SH3BP5L: variants seen among roughly 807,000 people sequenced by gnomAD.
The protein encoded by SH3BP5L is SH3 domain-binding protein 5-like.
In SH3BP5L, 16 loss-of-function variants were observed where a neutral mutation model predicts 40.9. That is an observed-to-expected ratio of 0.39 (90% confidence interval 0.27 to 0.59). SH3BP5L has a LOEUF of 0.59. Among genes scored for constraint, SH3BP5L ranks in the 20% least tolerant of loss-of-function variants. The pLI, the probability that SH3BP5L is intolerant of heterozygous loss-of-function variation, is 0.53. For missense variants in SH3BP5L, 471 were observed against 544.6 expected (o/e 0.86, Z 1.35); for synonymous variants, 229 against 226.7 (o/e 1.01, Z -0.09).
intron 2 of SH3BP5L, among the ~76,000 whole-genome samples, chr1:248,817,337 A>G (rs1418989485): frequency 6.6e-6 from 1 of 151,756 alleles, no homozygotes; most frequent in Non-Finnish European, 1.5e-5. Context: ...CACACTTATC[A>G]CCTCTCAGGA....
rs759472981 is a variant in SH3BP5L at position 248,814,514 on chromosome 1, C to T, written c.472G>A (p.Val158Ile). ...REMVFVAEQGVMADKNRLDPT... is the reference protein window; with the variant it reads ...REMVFVAEQGIMADKNRLDPT... ...TCCAGTCGGTTCTTGTCAGCCATGA[C>T]GCCCTGCTCAGCCACAAACACCATT... is the stretch of plus-strand genomic sequence containing the variant. Residue 158 changes from valine to isoleucine, a missense_variant, in exon 5 of 7, where the codon GTC (valine) becomes ATC (isoleucine). Val to Ile is a conservative substitution (Grantham distance 29). Coordinates refer to ENST00000366472, the MANE Select transcript of SH3BP5L (RefSeq NM_030645.3). 2 of 1,614,086 alleles carry T rather than the reference C, an allele frequency of 1.2e-6. No homozygotes were observed. Among genetic ancestry groups the T allele is most frequent in the African/African-American group, 1.3e-5 (1 of 74,928 alleles).
intron 2 of SH3BP5L, among the ~76,000 whole-genome samples, chr1:248,819,418 G>A (rs1046328373): frequency 6.7e-5 from 10 of 149,946 alleles, no homozygotes; most frequent in African/African-American, 2.2e-4. Context: ...AAAAAAAATC[G>A]TGGGCAGGCG....
chr1:248,812,219 C>T lies in SH3BP5L; in HGVS notation c.863G>A (p.Arg288His). The change falls in exon 7 of 7, where the codon CGC becomes CAC. Residue 288 changes from arginine to histidine, a missense_variant. Coordinates refer to ENST00000366472, the MANE Select transcript of SH3BP5L (RefSeq NM_030645.3). This position sits in a 1 kb window ranked among gnomAD's most constrained non-coding sequence, Gnocchi z 6.1. ...GLPPHPLGPR[R>H]SSPVGAEAGP... ...TGCCTCGGCCCCCACGGGGGAGGAG[C>T]GCCGAGGGCCCAGGGGGTGGGGAGG... is the stretch of plus-strand genomic sequence containing the variant. 6.2e-7 allele frequency: 1 copy of T among 1,605,660 alleles called. No homozygotes were observed. The highest frequency in any genetic ancestry group is 8.5e-7 in the Non-Finnish European group (1 of 1,177,144).
At position 248,811,589 on chromosome 1, in the gene SH3BP5L, G is replaced by A. The variant is rs1663923954; in HGVS notation, c.*311C>T. ...AAAGCCAAACAGATGGAAAGAGAGG[G>A]AGCAGAAAGGGAAAGCAAAGGGTCA... On this transcript the variant is annotated 3_prime_UTR_variant, in exon 7 of 7. Transcript: ENST00000366472. The A allele has an allele frequency of 5.2e-6, 2 of 381,066 alleles. No individual in the cohort carries two copies. Among genetic ancestry groups the A allele is most frequent in the Admixed American group, 8.5e-5 (2 of 23,638 alleles). 23.6% of individuals were successfully genotyped at this position (381,066 alleles called of 1,614,324 possible).
chr1:248,824,680 C>G (rs1664330441), intron 2 of SH3BP5L, 73 bp downstream of exon 2: 12 of 1,553,128 alleles, frequency 7.7e-6, no homozygotes, highest in Non-Finnish European at 1.0e-5. Flanking sequence ...AGTCTAAGCC[C>G]TCATTCATCC....
chr1:248,823,504 T>C (rs557248654), intron 2 of SH3BP5L, among the ~76,000 whole-genome samples: 2 of 152,328 alleles, frequency 1.3e-5, no homozygotes, highest in African/African-American at 4.8e-5. Flanking sequence ...CCTCAGAGGA[T>C]GATAAATCTG....
chr1:248,817,077 C>T (rs1231846521), intron 2 of SH3BP5L, 193 bp from the exon 3 acceptor site: 1 of 1,524,986 alleles, frequency 6.6e-7, no homozygotes, highest in South Asian at 1.2e-5. Flanking sequence ...TACATACAAT[C>T]TCACGTAATC....
In SH3BP5L at chr1:248,825,308, C is replaced by T. The variant is rs1304431214; in HGVS notation, c.-373G>A. On this transcript the variant is annotated 5_prime_UTR_variant, in exon 2 of 7. Coordinates refer to ENST00000366472, the MANE Select transcript of SH3BP5L (RefSeq NM_030645.3). ...GGCAGGCGCCTCCAGGCTGTGGTGG[C>T]AGCTGGAGAGAGAAGGCTGGGCCCG... 3.9e-6 allele frequency: 4 copies of T among 1,017,520 alleles called. No individual in the cohort carries two copies. Among genetic ancestry groups the T allele is most frequent in the Non-Finnish European group, 4.7e-6 (4 of 850,162 alleles). The allele number at this position is 1,017,520 out of a possible 1,614,324, so 63.0% of individuals were successfully genotyped here. A position where few individuals can be genotyped will look rare whatever the true frequency, so the allele number is the denominator to read the frequency against.
chr1:248,819,954 G>A (rs1234831728), intron 2 of SH3BP5L, among the ~76,000 whole-genome samples: 1 of 152,026 alleles, frequency 6.6e-6, no homozygotes, highest in Non-Finnish European at 1.5e-5. Flanking sequence ...AAAAAAGAGT[G>A]AAATTATAAA....
intron 2 of SH3BP5L, among the ~76,000 whole-genome samples, chr1:248,818,070 A>C (rs1572183437): frequency 6.6e-6 from 1 of 152,090 alleles, no homozygotes; most frequent in East Asian, 1.9e-4. Flanking sequence ...AGGCTGGGAC[A>C]GGCATGGTGG....
At chr1:248,824,707 G>C (rs1452429188) in intron 2 of SH3BP5L, 46 bp downstream of exon 2, 1 of 1,599,352 alleles carries the variant, frequency 6.3e-7, no homozygotes, top group African/African-American at 1.3e-5. Flanking sequence ...CTTCAGGGAG[G>C]CTGGAATCTG....
At chr1:248,823,780 C>A (rs1664309411) in intron 2 of SH3BP5L, among the ~76,000 whole-genome samples, 2 of 152,226 alleles carry the variant, frequency 1.3e-5, no homozygotes, top group South Asian at 4.1e-4. Flanking sequence ...GAATTTGAGC[C>A]TTCATATGTT....
At chr1:248,818,664 C>T (rs1449714832) in intron 2 of SH3BP5L, among the ~76,000 whole-genome samples, 1 of 152,182 alleles carries the variant, frequency 6.6e-6, no homozygotes, top group Non-Finnish European at 1.5e-5. Context: ...GCAATAGAAC[C>T]ATCCAGGGCT....
rs969730779 is a variant in SH3BP5L at position 248,811,812 on chromosome 1, C to T, written c.*88G>A. ...CTGGAGAAGGGGACCTTCGGGAAGA[C>T]GAGGCCCCAGAGGAGAGGGCGTGAG... On this transcript the variant is annotated 3_prime_UTR_variant, in exon 7 of 7. Transcript: ENST00000366472. 2 of 1,000,664 alleles carry T rather than the reference C, an allele frequency of 2.0e-6. No individual in the cohort carries two copies. Among genetic ancestry groups the T allele is most frequent in the Non-Finnish European group, 2.8e-6 (2 of 702,118 alleles). 62.0% of individuals were successfully genotyped at this position (1,000,664 alleles called of 1,614,324 possible). A position where few individuals can be genotyped will look rare whatever the true frequency, so the allele number is the denominator to read the frequency against.
rs1166339599 is a variant in SH3BP5L at position 248,825,113 on chromosome 1, T to C, written c.-178A>G. On this transcript the variant is annotated 5_prime_UTR_variant, in exon 2 of 7. Transcript: ENST00000366472. ...CTAGGTTAGAGGTTGAGATTCAAGTTGTCAGTGGGGTTCCTAGAGCTGAAG... is the reference window on the plus strand; with the variant it reads ...CTAGGTTAGAGGTTGAGATTCAAGTCGTCAGTGGGGTTCCTAGAGCTGAAG... The C allele has an allele frequency of 2.9e-6, 4 of 1,395,168 alleles. No individual in the cohort carries two copies. In the African/African-American group the frequency reaches 4.4e-5, roughly 15 times the overall value. 86.4% of individuals were successfully genotyped at this position (1,395,168 alleles called of 1,614,324 possible).
Position 248,816,955 on chromosome 1 carries a change from A to G in SH3BP5L, c.184-71T>C, listed in dbSNP as rs1281717179. ...CCTTGAATGAACCATGCAAGGCAGG[A>G]GCAACACAGAGAGAGAGAGCCCCAC... is the stretch of plus-strand genomic sequence containing the variant. On this transcript the variant is annotated intron_variant, in intron 2 of 6. Transcript: ENST00000366472. 2.5e-6 allele frequency: 4 copies of G among 1,610,632 alleles called. No individual in the cohort carries two copies. The Admixed American group carries it at 6.7e-5, about 27-fold the overall frequency.
At chr1:248,818,523 G>A (rs909364602) in intron 2 of SH3BP5L, among the ~76,000 whole-genome samples, 1 of 152,228 alleles carries the variant, frequency 6.6e-6, no homozygotes, top group African/African-American at 2.4e-5. Context: ...GGCCTGCTTG[G>A]GCAATGGGTG....
chr1:248,825,663 C>G (rs1318609128), intron 1 of SH3BP5L, 172 bp downstream of exon 1: 1 of 179,156 alleles, frequency 5.6e-6, no homozygotes, highest in Admixed American at 6.5e-5. Context: ...CCACTCCACC[C>G]CAGCCCGGCT....
chr1:248,816,211 GA>G (rs1306736944), intron 4 of SH3BP5L: 5 of 245,678 alleles, frequency 2.0e-5, no homozygotes, highest in Non-Finnish European at 3.2e-5. Context: ...AATGGGCGCA[GA>G]TGAAAACAAC....
Sources: allele counts gnomAD v4.1 joint callset (sites outside exome capture counted in the v4.1 genomes callset), GRCh38; gene constraint gnomAD v4.1.1; non-coding constraint Gnocchi (gnomAD v3.1); transcripts MANE v1.5; gene names NCBI Gene and HGNC (gene_info 2026-07-23, HGNC 2026-07-21).